Variants in ELP4 observed in about 807,000 individuals in gnomAD.
ELP4 encodes elongator acetyltransferase complex subunit 4.
In ELP4, 51 loss-of-function variants were observed where a neutral mutation model predicts 48.9. That is an observed-to-expected ratio of 1.04 (90% CI 0.83 to 1.32). The LOEUF (loss-of-function observed/expected upper bound fraction) is 1.32. Ranked by LOEUF, ELP4 falls within the 40% of genes most tolerant of loss-of-function variation. The pLI, the probability that ELP4 is intolerant of heterozygous loss-of-function variation, is 0.00. For synonymous variants in ELP4, 210 were observed against 189.2 expected, an observed-to-expected ratio of 1.11 and a Z score of -0.90; for missense variants, 519 against 514.6, an observed-to-expected ratio of 1.01 and a Z score of -0.08.
chr11:31,746,391 T>C (rs910196359), intron 9 of ELP4, among the ~76,000 whole-genome samples: 1 of 152,230 alleles, frequency 6.6e-6, no homozygotes, highest in Non-Finnish European at 1.5e-5. Context: ...TTACTGGGTA[T>C]ATACCCAAAG....
At chr11:31,710,523 G>C (rs1946718404) in intron 9 of ELP4, among the ~76,000 whole-genome samples, 1 of 151,998 alleles carries the variant, frequency 6.6e-6, no homozygotes, top group Non-Finnish European at 1.5e-5. Flanking sequence ...TATTCTGGAG[G>C]CTGAGACAGG....
At chr11:31,568,953 C>T (rs1384987053) in intron 3 of ELP4, among the ~76,000 whole-genome samples, 1 of 151,764 alleles carries the variant, frequency 6.6e-6, no homozygotes, top group Non-Finnish European at 1.5e-5. Context: ...GGTGTGGTGG[C>T]ACATGTTTGT....
chr11:31,583,939 A>AAT (rs1957431621), intron 3 of ELP4, among the ~76,000 whole-genome samples: 1 of 150,954 alleles, frequency 6.6e-6, no homozygotes, highest in East Asian at 1.9e-4. Context: ...TTTAATTTTA[A>AAT]TTAATATAAA....
intron 9 of ELP4, among the ~76,000 whole-genome samples, chr11:31,708,191 A>G (rs1946672470): frequency 6.6e-6 from 1 of 152,112 alleles, no homozygotes; most frequent in South Asian, 2.1e-4. Flanking sequence ...TTCAGCTCCC[A>G]GAGTAGTATC....
At chr11:31,713,900 G>A (rs1216767019) in intron 9 of ELP4, among the ~76,000 whole-genome samples, 1 of 152,126 alleles carries the variant, frequency 6.6e-6, no homozygotes, top group African/African-American at 2.4e-5. Flanking sequence ...TGATTGGAAT[G>A]CAAATAACAA....
chr11:31,607,582 C>T (rs1239711415), intron 5 of ELP4, among the ~76,000 whole-genome samples: 1 of 152,236 alleles, frequency 6.6e-6, no homozygotes, highest in Admixed American at 6.5e-5. Context: ...TTAAAGGCCT[C>T]GTCTCTTAAT....
chr11:31,692,949 T>TA (rs1356389566), intron 9 of ELP4, among the ~76,000 whole-genome samples: 1 of 152,106 alleles, frequency 6.6e-6, no homozygotes, highest in Non-Finnish European at 1.5e-5. Flanking sequence ...AGATTGCAAT[T>TA]ACTTTTATCA....
chr11:31,671,601 C>A (rs1015875261), intron 9 of ELP4, among the ~76,000 whole-genome samples: 1 of 152,102 alleles, frequency 6.6e-6, no homozygotes, highest in Admixed American at 6.6e-5. Flanking sequence ...TCCAGTTGGA[C>A]TGAAAGGCAT....
chr11:31,602,706 T>C (rs1462327505), intron 4 of ELP4, among the ~76,000 whole-genome samples: 2 of 152,082 alleles, frequency 1.3e-5, no homozygotes, highest in East Asian at 1.9e-4. Flanking sequence ...CAAGCAAATA[T>C]GTCTTTCTTA....
intron 7 of ELP4, chr11:31,634,230 C>T (rs1944925647): frequency 6.6e-6 from 1 of 151,862 alleles, no homozygotes; most frequent in African/African-American, 2.4e-5. Context: ...AAAAAAGTTA[C>T]TGGCTAACAT....
chr11:31,757,377 AT>A (rs529202727), intron 9 of ELP4, among the ~76,000 whole-genome samples: 161 of 146,866 alleles, frequency 1.1e-3, no homozygotes, highest in Non-Finnish European at 1.1e-3. Context: ...CAGACTACAG[AT>A]TTTTTTTTTT....
chr11:31,671,909 A>G (rs768831013), intron 9 of ELP4, among the ~76,000 whole-genome samples: 1 of 152,222 alleles, frequency 6.6e-6, no homozygotes, highest in Non-Finnish European at 1.5e-5. Flanking sequence ...AGCTGCTAGC[A>G]GCTAAAATAG....
chr11:31,606,256 T>C (rs1370072283), intron 5 of ELP4, among the ~76,000 whole-genome samples: 1 of 152,110 alleles, frequency 6.6e-6, no homozygotes, highest in Non-Finnish European at 1.5e-5. Flanking sequence ...ATGGGTACTT[T>C]ACCATGTGAG....
At chr11:31,781,061 C>G (rs1199168000) in intron 9 of ELP4, among the ~76,000 whole-genome samples, 2 of 152,156 alleles carry the variant, frequency 1.3e-5, no homozygotes, top group Admixed American at 6.5e-5. Context: ...GTGAGGGTTA[C>G]CTATGTGCTT....
intron 9 of ELP4, among the ~76,000 whole-genome samples, chr11:31,730,785 C>A (rs1947169072): frequency 2.0e-5 from 3 of 152,040 alleles, no homozygotes; most frequent in Admixed American, 2.0e-4. Context: ...AACATTCTAG[C>A]ATTTTAGGGG....
At chr11:31,704,090 T>A (rs941826327) in intron 9 of ELP4, among the ~76,000 whole-genome samples, 33 of 148,248 alleles carry the variant, frequency 2.2e-4, no homozygotes, top group African/African-American at 7.1e-4. Context: ...TAATAGAATT[T>A]AAAAAAAAAA....
At chr11:31,560,756 G>A (rs920173660) in intron 3 of ELP4, among the ~76,000 whole-genome samples, 4 of 62,172 alleles carry the variant, frequency 6.4e-5, no homozygotes, top group Non-Finnish European at 1.5e-4. Flanking sequence ...ATATATATAC[G>A]TACAGTCATG....
chr11:31,553,426 C>G (rs144449299), intron 3 of ELP4, among the ~76,000 whole-genome samples: 1 of 152,036 alleles, frequency 6.6e-6, no homozygotes, highest in Admixed American at 6.6e-5. Flanking sequence ...AAAACAAAAA[C>G]GCTGACCATC....
intron 9 of ELP4, among the ~76,000 whole-genome samples, chr11:31,713,216 C>T (rs1160491126): frequency 6.6e-6 from 1 of 152,114 alleles, no homozygotes; most frequent in African/African-American, 2.4e-5. Context: ...GGATCAAGTC[C>T]AATCAACCTT....
Sources: allele counts gnomAD v4.1 joint callset (sites outside exome capture counted in the v4.1 genomes callset), GRCh38; gene constraint gnomAD v4.1.1; transcripts MANE v1.5; gene names NCBI Gene and HGNC (gene_info 2026-07-23, HGNC 2026-07-21).